PLXDC2: variants seen among roughly 807,000 people sequenced by gnomAD.
PLXDC2 encodes plexin domain-containing protein 2.
PLXDC2 carries 40 observed loss-of-function variants against 68.9 expected under a neutral mutation model. The observed-to-expected ratio is 0.58, with a 90% CI of 0.45 to 0.76. The LOEUF (loss-of-function observed/expected upper bound fraction) is 0.76, where lower values mean the gene tolerates loss of function less well. PLXDC2 is among the 30% of genes least tolerant of loss of function. The probability of loss-of-function intolerance (pLI) is 0.00; values close to 1 mark genes in which losing one functional copy is unlikely to be tolerated. For missense variants in PLXDC2, 644 were observed against 661.9 expected (o/e 0.97, Z 0.30); for synonymous variants, 243 against 234.2 (o/e 1.04, Z -0.34).
intron 1 of PLXDC2, among the ~76,000 whole-genome samples, chr10:19,938,887 G>C (rs1170788441): frequency 6.6e-6 from 1 of 152,164 alleles, no homozygotes; most frequent in Non-Finnish European, 1.5e-5. Context: ...CAATCTGTAA[G>C]TAGTCTGTTG....
At chr10:20,006,336 T>C (rs1021082927) in intron 2 of PLXDC2, among the ~76,000 whole-genome samples, 3 of 152,238 alleles carry the variant, frequency 2.0e-5, no homozygotes, top group African/African-American at 7.2e-5. Flanking sequence ...TGCTTATCTT[T>C]TTGGTTTATA....
At chr10:19,892,456 T>G (rs1239626169) in intron 1 of PLXDC2, among the ~76,000 whole-genome samples, 1 of 152,190 alleles carries the variant, frequency 6.6e-6, no homozygotes, top group Non-Finnish European at 1.5e-5. Context: ...GTGGATCACA[T>G]GCCAAAAATG....
intron 4 of PLXDC2, among the ~76,000 whole-genome samples, chr10:20,087,447 T>A (rs1564310779): frequency 6.6e-6 from 1 of 152,260 alleles, no homozygotes; most frequent in East Asian, 1.9e-4. Context: ...CAATTCATCA[T>A]TCTTATTCCA....
At position 20,116,258 on chromosome 10, in the gene PLXDC2, T is replaced by C. The variant is rs79549130; in HGVS notation, c.542-27037T>C. 0.01 allele frequency among the ~76,000 whole-genome samples: 1,524 copies of C among 152,258 alleles called. 56 individuals carry two copies. In the South Asian group the frequency reaches 0.13, roughly 13 times the overall value. Reference sequence around the variant, plus strand: ...TATGGGAAAAATAACCCTAAGATTCTTTTTCCCCCCCGGAAAACAGTAAAA... The same window carrying C: ...TATGGGAAAAATAACCCTAAGATTCCTTTTCCCCCCCGGAAAACAGTAAAA... On this transcript the variant is annotated intron_variant, in intron 4 of 13. Transcript: ENST00000377252.
At chr10:19,841,744 C>A (rs1836911841) in intron 1 of PLXDC2, among the ~76,000 whole-genome samples, 1 of 151,946 alleles carries the variant, frequency 6.6e-6, no homozygotes, top group Non-Finnish European at 1.5e-5. Flanking sequence ...TAACAGAATG[C>A]CAGACATAGG....
intron 1 of PLXDC2, among the ~76,000 whole-genome samples, chr10:19,903,150 T>C (rs1335344579): frequency 6.6e-6 from 1 of 152,074 alleles, no homozygotes; most frequent in East Asian, 1.9e-4. Flanking sequence ...TTTTGTTAAG[T>C]CCTTTTCTGG....
chr10:20,016,584 G>A (rs1398290314), intron 2 of PLXDC2, among the ~76,000 whole-genome samples: 1 of 152,188 alleles, frequency 6.6e-6, no homozygotes, highest in Non-Finnish European at 1.5e-5. Flanking sequence ...AAGTAAGTTA[G>A]TTACAGAGGG....
intron 6 of PLXDC2, among the ~76,000 whole-genome samples, chr10:20,163,401 T>TTGTAC (rs1346774350): frequency 6.6e-6 from 1 of 152,076 alleles, no homozygotes; most frequent in Non-Finnish European, 1.5e-5. Flanking sequence ...TTATTATAGA[T>TTGTAC]TGTATTGTAT....
At chr10:20,032,867 A>C (rs1016573436) in intron 2 of PLXDC2, among the ~76,000 whole-genome samples, 5 of 151,858 alleles carry the variant, frequency 3.3e-5, no homozygotes, top group Admixed American at 3.3e-4. Flanking sequence ...TCATAGGTAC[A>C]TACATGTTAG....
intron 1 of PLXDC2, among the ~76,000 whole-genome samples, chr10:19,979,399 G>C (rs1364863999): frequency 7.3e-6 from 1 of 136,934 alleles, no homozygotes; most frequent in Non-Finnish European, 1.6e-5. Flanking sequence ...TTTTTTTTTA[G>C]ACTGAGTCTT....
At chr10:20,088,133 C>A (rs1052961113) in intron 4 of PLXDC2, among the ~76,000 whole-genome samples, 2 of 152,098 alleles carry the variant, frequency 1.3e-5, no homozygotes, top group African/African-American at 2.4e-5. Context: ...GCACTAGAGA[C>A]CTAAGCAGCC....
At position 20,287,945 on chromosome 10, in the gene PLXDC2, T is replaced by C. The variant is rs897736705; in HGVS notation, c.*8126T>C. The C allele has an allele frequency of 4.6e-5, 5 of 109,546 alleles. No individual in the cohort carries two copies. The South Asian group carries it at 1.3e-3, about 29-fold the overall frequency. The allele number at this position is 109,546 out of a possible 1,614,324, so 6.8% of individuals were successfully genotyped here. On this transcript the variant is annotated 3_prime_UTR_variant, in exon 14 of 14. Coordinates refer to ENST00000377252, the MANE Select transcript of PLXDC2 (RefSeq NM_032812.9). ...TGTGTAGTCATTTGAAATGTTGAAG[T>C]GTGAAAAGAGAAGAAATTGGGCACT...
chr10:20,025,607 G>A (rs545764081), intron 2 of PLXDC2, among the ~76,000 whole-genome samples: 56 of 152,070 alleles, frequency 3.7e-4, no homozygotes, highest in Non-Finnish European at 6.8e-4. Flanking sequence ...AGATGGTATC[G>A]CATTGTAGTT....
chr10:20,228,036 G>T (rs569619134), intron 12 of PLXDC2, among the ~76,000 whole-genome samples: 1 of 152,156 alleles, frequency 6.6e-6, no homozygotes, highest in Non-Finnish European at 1.5e-5. Context: ...TATCTGGGTG[G>T]ACAGTGGTGC....
intron 1 of PLXDC2, among the ~76,000 whole-genome samples, chr10:19,817,918 C>T (rs754383418): frequency 7.9e-5 from 12 of 152,210 alleles, no homozygotes; most frequent in Non-Finnish European, 1.6e-4. Flanking sequence ...ACCTCCGCAT[C>T]CTCTTAGTGG....
chr10:19,847,212 C>T (rs1053581765), intron 1 of PLXDC2, among the ~76,000 whole-genome samples: 1 of 152,170 alleles, frequency 6.6e-6, no homozygotes, highest in Non-Finnish European at 1.5e-5. Flanking sequence ...GAAGATAATA[C>T]AGCATTTCAT....
Position 19,987,788 on chromosome 10 carries a change from TCG to T in PLXDC2, c.113-13986_113-13985del, listed in dbSNP as rs1157300346. 3.3e-5 allele frequency among the ~76,000 whole-genome samples: 5 copies of T among 151,936 alleles called. No individual in the cohort carries two copies. The East Asian group carries it at 7.8e-4, about 24-fold the overall frequency. Reference sequence around the variant, plus strand: ...ACCTTGTTGGCCAGGATGGTCTCGATCGATCTCCCGACCTTGTGATCCTCCCG... The same window carrying T: ...ACCTTGTTGGCCAGGATGGTCTCGATATCTCCCGACCTTGTGATCCTCCCG... On this transcript the variant is annotated intron_variant, in intron 1 of 13. Coordinates refer to ENST00000377252, the MANE Select transcript of PLXDC2 (RefSeq NM_032812.9).
At position 20,281,638 on chromosome 10, in the gene PLXDC2, C is replaced by T. The variant is rs1222826287; in HGVS notation, c.*1819C>T. ...GATGAAGATGGTAACTTTTTCCTAA[C>T]TTAGTTAACTATTAAAAAAAATTTT... On this transcript the variant is annotated 3_prime_UTR_variant, in exon 14 of 14. Coordinates refer to ENST00000377252, the MANE Select transcript of PLXDC2 (RefSeq NM_032812.9). 6.6e-6 allele frequency: 1 copy of T among 152,056 alleles called. No homozygotes were observed. Among genetic ancestry groups the T allele is most frequent in the Non-Finnish European group, 1.5e-5 (1 of 68,002 alleles). 9.4% of individuals were successfully genotyped at this position (152,056 alleles called of 1,614,324 possible). A position where few individuals can be genotyped will look rare whatever the true frequency, so the allele number is the denominator to read the frequency against.
In PLXDC2 at chr10:20,010,243, G is replaced by A. The variant is rs563853516; in HGVS notation, c.324+8257G>A. Among the ~76,000 whole-genome samples, 9 of 152,254 alleles carry A rather than the reference G, an allele frequency of 5.9e-5. 1 individual carries two copies. Among genetic ancestry groups the A allele is most frequent in the South Asian group, 4.1e-4 (2 of 4,832 alleles). On this transcript the variant is annotated intron_variant, in intron 2 of 13. Transcript: ENST00000377252. ...TGTGTTGCCAAAGGTTGTGTTAACC[G>A]ACAGCAAAATCTATTTCAGTCTTTT...
Sources: allele counts gnomAD v4.1 joint callset (sites outside exome capture counted in the v4.1 genomes callset), GRCh38; gene constraint gnomAD v4.1.1; transcripts MANE v1.5; gene names NCBI Gene and HGNC (gene_info 2026-07-23, HGNC 2026-07-21).